The following LAPTM4B variants were observed in gnomAD, a reference collection of about 807,000 sequenced individuals.
LAPTM4B encodes lysosomal protein transmembrane 4 beta, also known as lysosomal-associated transmembrane protein 4B.
Under a neutral mutation model 28.5 loss-of-function variants are expected in LAPTM4B, and 26 were observed. The ratio of observed to expected loss-of-function variants is 0.91; its 90% CI spans 0.67 to 1.27. The LOEUF is 1.27. Ranked by LOEUF, LAPTM4B falls within the 50% of genes most tolerant of loss-of-function variation. LAPTM4B has a pLI of 0.00. For synonymous variants in LAPTM4B, 109 were observed against 106.4 expected, an observed-to-expected ratio of 1.02 and a Z score of -0.15; for missense variants, 288 against 285.8, an observed-to-expected ratio of 1.01 and a Z score of -0.06.
intron 6 of LAPTM4B, among the ~76,000 whole-genome samples, chr8:97,831,009 C>T (rs1421549744): frequency 6.6e-6 from 1 of 152,054 alleles, no homozygotes; most frequent in Non-Finnish European, 1.5e-5. Context: ...AAGGGTGGCT[C>T]AAATTTGGAG....
Position 97,838,871 on chromosome 8 carries a change from G to A in LAPTM4B, c.604-12526G>A, listed in dbSNP as rs181007548. On this transcript the variant is annotated intron_variant, in intron 6 of 6. Coordinates refer to ENST00000521545, the MANE Select transcript of LAPTM4B (RefSeq NM_018407.6). ...GGGGTGGGTAACTCAGAAAAGGGGC[G>A]GAAGAAAAAGAAAGGGTAAAAGTAA... 5.5e-4 allele frequency among the ~76,000 whole-genome samples: 83 copies of A among 152,248 alleles called. 1 individual carries two copies. Among genetic ancestry groups the A allele is most frequent in the African/African-American group, 2.0e-3 (82 of 41,548 alleles).
intron 1 of LAPTM4B, among the ~76,000 whole-genome samples, chr8:97,786,674 G>A (rs1360753098): frequency 1.3e-5 from 2 of 150,850 alleles, no homozygotes; most frequent in African/African-American, 2.4e-5. Context: ...ACTCCAGCCC[G>A]GGCAACAGAG....
In LAPTM4B at chr8:97,843,859, G is replaced by A. The variant is rs138566433; in HGVS notation, c.604-7538G>A. Among the ~76,000 whole-genome samples the A allele has an allele frequency of 2.0e-3, 308 of 152,134 alleles. 2 individuals carry two copies. The highest frequency in any genetic ancestry group is 2.1e-3 in the Non-Finnish European group (141 of 67,990). On this transcript the variant is annotated intron_variant, in intron 6 of 6. Coordinates refer to ENST00000521545, the MANE Select transcript of LAPTM4B (RefSeq NM_018407.6). Reference sequence around the variant, plus strand: ...GTTGCTAAAGTCTTGAAGAATAGTAGCTGAAGCTGTTATTTATATAGAATG... The same window carrying A: ...GTTGCTAAAGTCTTGAAGAATAGTAACTGAAGCTGTTATTTATATAGAATG...
intron 1 of LAPTM4B, chr8:97,788,222 GCTT>G: frequency 3.4e-6 from 1 of 294,410 alleles, no homozygotes; most frequent in South Asian, 3.9e-5. Flanking sequence ...GATCCAGCTA[GCTT>G]CTTCTCCAGT....
intron 1 of LAPTM4B, among the ~76,000 whole-genome samples, chr8:97,797,932 CA>C (rs1419457403): frequency 6.6e-6 from 1 of 152,100 alleles, no homozygotes; most frequent in Non-Finnish European, 1.5e-5. Flanking sequence ...ATCACAGGAT[CA>C]GTTTGTAAAT....
chr8:97,837,081 C>T (rs1475643561), intron 6 of LAPTM4B, among the ~76,000 whole-genome samples: 1 of 151,962 alleles, frequency 6.6e-6, no homozygotes, highest in Non-Finnish European at 1.5e-5. Flanking sequence ...GTCAAAAAGC[C>T]ACAAAACAGG....
At position 97,775,926 on chromosome 8, in the gene LAPTM4B, C is replaced by A. The variant is rs760702744; in HGVS notation, c.-84C>A. 6 of 1,186,136 alleles carry A rather than the reference C, an allele frequency of 5.1e-6. No individual in the cohort carries two copies. Among genetic ancestry groups the A allele is most frequent in the South Asian group, 1.7e-5 (1 of 60,056 alleles). The allele number at this position is 1,186,136 out of a possible 1,614,324, so 73.5% of individuals were successfully genotyped here. ...GGAGCCGGAGCGGCGGAGGAGCCGG[C>A]AGCAGCGGCGCGGCGGGCTCCAGGC... On this transcript the variant is annotated 5_prime_UTR_variant, in exon 1 of 7. Transcript: ENST00000521545.
At chr8:97,820,304 C>CTTTTTTTTTTTT (rs71570268) in intron 5 of LAPTM4B, among the ~76,000 whole-genome samples, 96 of 128,288 alleles carry the variant, frequency 7.5e-4, no homozygotes, top group Non-Finnish European at 1.1e-3. Context: ...TTCTTTCTTT[C>CTTTTTTTTTTTT]TTTTTTTTTT....
In LAPTM4B at chr8:97,819,156, AC is replaced by A; in HGVS notation, c.426del (p.Tyr142Ter). ...YIRQLPPNFP[Y>X]RDDVMSVNPT... ...CTTTTGCAGCCTCCTAATTTTCCCT[AC>A]AGAGATGATGTCATGTCAGTGAATC... On this transcript the variant is annotated frameshift_variant, in exon 5 of 7. Coordinates refer to ENST00000521545, the MANE Select transcript of LAPTM4B (RefSeq NM_018407.6). LOFTEE classifies it high-confidence loss of function. 1 of 1,606,172 alleles carries A rather than the reference AC, an allele frequency of 6.2e-7. No homozygotes were observed.
Position 97,815,366 on chromosome 8 carries a change from C to T in LAPTM4B, c.250C>T (p.Leu84=). ...IAIAISLLMI[L]ICAMATYGAY... is the part of the protein sequence containing the mutation. ...CATTGCGATTTCTCTTCTCATGATC[C>T]TGATATGTGCTATGGCTACTTACGG... Residue 84 remains leucine (L), a synonymous_variant, in exon 3 of 7, where the codon CTG becomes TTG. Coordinates refer to ENST00000521545, the MANE Select transcript of LAPTM4B (RefSeq NM_018407.6). The T allele has an allele frequency of 6.2e-7, 1 of 1,613,988 alleles. No homozygotes were observed. Among genetic ancestry groups the T allele is most frequent in the East Asian group, 2.2e-5 (1 of 44,880 alleles).
chr8:97,781,539 C>T (rs200802437), intron 1 of LAPTM4B, among the ~76,000 whole-genome samples: 1 of 147,144 alleles, frequency 6.8e-6, no homozygotes, highest in Admixed American at 6.8e-5. Flanking sequence ...CGGCCTCCCA[C>T]AGTGCTGGGA....
At chr8:97,792,168 C>T (rs139747631) in intron 1 of LAPTM4B, among the ~76,000 whole-genome samples, 263 of 152,280 alleles carry the variant, frequency 1.7e-3, no homozygotes, top group Non-Finnish European at 2.9e-3. Context: ...ACAACATGGC[C>T]GCCATTATAG....
intron 1 of LAPTM4B, among the ~76,000 whole-genome samples, chr8:97,796,397 C>T (rs74306681): frequency 0.076 from 11,579 of 152,146 alleles, 1,012 homozygotes; most frequent in East Asian, 0.38. Flanking sequence ...TGTGCTTGTC[C>T]GGATCCTTGA....
intron 1 of LAPTM4B, among the ~76,000 whole-genome samples, chr8:97,781,021 G>A (rs928398489): frequency 2.0e-5 from 3 of 149,410 alleles, no homozygotes; most frequent in South Asian, 2.1e-4. Context: ...ACCGAGTCTC[G>A]CTCTGACGCC....
chr8:97,796,204 G>A (rs1005207424), intron 1 of LAPTM4B, among the ~76,000 whole-genome samples: 3 of 152,218 alleles, frequency 2.0e-5, no homozygotes, highest in African/African-American at 2.4e-5. Flanking sequence ...AGCTCCCAAA[G>A]TGCTGGGATT....
At chr8:97,815,567 A>AT (rs1365587906) in intron 3 of LAPTM4B, among the ~76,000 whole-genome samples, 166 bp downstream of exon 3, 80 of 150,584 alleles carry the variant, frequency 5.3e-4, no homozygotes, top group African/African-American at 1.9e-3. Flanking sequence ...TTATACTGGA[A>AT]ATTTTTTTTT....
intron 6 of LAPTM4B, among the ~76,000 whole-genome samples, chr8:97,835,300 TTC>T (rs1373910609): frequency 6.6e-6 from 1 of 152,238 alleles, no homozygotes; most frequent in Non-Finnish European, 1.5e-5. Context: ...TTTCCTCCTC[TTC>T]TCTAAAACAG....
At position 97,852,039 on chromosome 8, in the gene LAPTM4B, C is replaced by A. The variant is rs1172791585; in HGVS notation, c.*565C>A. Reference sequence around the variant, plus strand: ...GTGTTTGGTGGTAAAGGATTTTCTCCATGGCCTGAATTAAGACCATTAGAA... The same window carrying A: ...GTGTTTGGTGGTAAAGGATTTTCTCAATGGCCTGAATTAAGACCATTAGAA... On this transcript the variant is annotated 3_prime_UTR_variant, in exon 7 of 7. Coordinates refer to ENST00000521545, the MANE Select transcript of LAPTM4B (RefSeq NM_018407.6). 6.5e-6 allele frequency: 1 copy of A among 154,944 alleles called. No homozygotes were observed. Among genetic ancestry groups the A allele is most frequent in the South Asian group, 2.0e-4 (1 of 4,988 alleles). 9.6% of individuals were successfully genotyped at this position (154,944 alleles called of 1,614,324 possible). A position where few individuals can be genotyped will look rare whatever the true frequency, so the allele number is the denominator to read the frequency against.
chr8:97,801,830 C>T (rs138038272), intron 1 of LAPTM4B, among the ~76,000 whole-genome samples: 2,449 of 107,022 alleles, frequency 0.023, 39 homozygotes, highest in Middle Eastern at 0.053. Flanking sequence ...GGCGACAGTG[C>T]GAAACTCCAT....
Sources: gnomAD v4.1 joint callset for allele counts (sites outside exome capture counted in the v4.1 genomes callset) on GRCh38, gnomAD v4.1.1 for gene constraint, MANE v1.5 for transcripts, NCBI Gene and HGNC (gene_info 2026-07-23, HGNC 2026-07-21) for gene names.